Variants in GAB1 observed in about 807,000 individuals in gnomAD.
GAB1 encodes GRB2-associated-binding protein 1.
Under a neutral mutation model 66.5 loss-of-function variants are expected in GAB1, and 19 were observed. The ratio of observed to expected loss-of-function variants is 0.29; its 90% CI spans 0.20 to 0.42. The LOEUF is 0.42. Among genes scored for constraint, GAB1 ranks in the 10% least tolerant of loss-of-function variants. GAB1 has a pLI of 1.00. For missense variants in GAB1, 732 were observed against 858.5 expected (o/e 0.85, Z 1.84); for synonymous variants, 294 against 301.4 (o/e 0.98, Z 0.25).
intron 6 of GAB1, among the ~76,000 whole-genome samples, chr4:143,449,049 C>T: frequency 6.6e-6 from 1 of 151,056 alleles, no homozygotes; most frequent in East Asian, 1.9e-4. Context: ...CGTTATGTAC[C>T]CAGTAGTCAT....
chr4:143,417,033 A>G (rs1388518780), intron 2 of GAB1, among the ~76,000 whole-genome samples: 1 of 152,224 alleles, frequency 6.6e-6, no homozygotes, highest in African/African-American at 2.4e-5. Flanking sequence ...TACTTAGCAC[A>G]GGTCCTACAA....
intron 2 of GAB1, among the ~76,000 whole-genome samples, chr4:143,421,337 TAACAC>T (rs1733002772): frequency 6.6e-6 from 1 of 152,146 alleles, no homozygotes; most frequent in Non-Finnish European, 1.5e-5. Flanking sequence ...AATTTTTAGT[TAACAC>T]AAAGCTGTAG....
At chr4:143,391,469 C>T (rs909907306) in intron 1 of GAB1, 5 of 152,160 alleles carry the variant, frequency 3.3e-5, no homozygotes, top group Non-Finnish European at 5.9e-5. Context: ...ACAAGAAAGG[C>T]TTACTACAGT....
chr4:143,435,708 A>T (rs545239687), intron 3 of GAB1, among the ~76,000 whole-genome samples: 2 of 152,246 alleles, frequency 1.3e-5, no homozygotes, highest in African/African-American at 4.8e-5. Context: ...ACTCAGATAT[A>T]GTCACCTTTG....
chr4:143,359,654 G>A (rs958363194), intron 1 of GAB1, among the ~76,000 whole-genome samples: 1 of 152,200 alleles, frequency 6.6e-6, no homozygotes, highest in African/African-American at 2.4e-5. Context: ...TCATTGTTGA[G>A]TATGTCCTTT....
intron 1 of GAB1, chr4:143,395,803 A>AAGT (rs1239893088): frequency 2.3e-6 from 1 of 443,400 alleles, no homozygotes; most frequent in Non-Finnish European, 4.5e-6. Flanking sequence ...ATCCCTCCAC[A>AAGT]TACCCTTTCT....
rs1224781141 is a variant in GAB1 at position 143,469,210 on chromosome 4, T to C, written c.*21T>C. 1 of 1,611,868 alleles carries C rather than the reference T, an allele frequency of 6.2e-7. No individual in the cohort carries two copies. The highest frequency in any genetic ancestry group is 8.5e-7 in the Non-Finnish European group (1 of 1,178,786). On this transcript the variant is annotated 3_prime_UTR_variant, in exon 10 of 10. Transcript: ENST00000262994. ...AATGAAAATATTGCCTTGCCATTTC[T>C]GAACAAAAGAAAACTGAATTGTAAA...
intron 6 of GAB1, among the ~76,000 whole-genome samples, chr4:143,458,680 C>T (rs1735327101): frequency 1.3e-5 from 2 of 151,880 alleles, no homozygotes; most frequent in African/African-American, 2.4e-5. Flanking sequence ...AAATAAAGAT[C>T]ACTTATAAAT....
At chr4:143,423,466 G>C (rs1397167839) in intron 2 of GAB1, among the ~76,000 whole-genome samples, 1 of 152,118 alleles carries the variant, frequency 6.6e-6, no homozygotes, top group Non-Finnish European at 1.5e-5. Context: ...GGGAGGCTGA[G>C]GCATGTGGAT....
At chr4:143,365,583 C>A (rs1480303329) in intron 1 of GAB1, among the ~76,000 whole-genome samples, 2 of 152,118 alleles carry the variant, frequency 1.3e-5, no homozygotes, top group Non-Finnish European at 1.5e-5. Context: ...CCTGTGTATC[C>A]CCCAATCTCT....
At chr4:143,432,056 G>C (rs1424091117) in intron 2 of GAB1, among the ~76,000 whole-genome samples, 1 of 152,216 alleles carries the variant, frequency 6.6e-6, no homozygotes, top group African/African-American at 2.4e-5. Context: ...AGAAAAAGAT[G>C]CCTGGGGAAG....
chr4:143,463,977 T>C (rs923824828), intron 8 of GAB1, among the ~76,000 whole-genome samples: 1 of 152,256 alleles, frequency 6.6e-6, no homozygotes, highest in Non-Finnish European at 1.5e-5. Flanking sequence ...CTTGTAATAC[T>C]GTGAACAATT....
chr4:143,397,838 A>G (rs1276310494), intron 1 of GAB1, among the ~76,000 whole-genome samples: 5 of 152,188 alleles, frequency 3.3e-5, no homozygotes, highest in Non-Finnish European at 7.3e-5. Flanking sequence ...TGCCTTTCTA[A>G]TGGAGATATG....
intron 9 of GAB1, 58 bp from the exon 10 acceptor site, chr4:143,468,973 T>C: frequency 1.3e-6 from 2 of 1,557,508 alleles, no homozygotes; most frequent in Non-Finnish European, 1.8e-6. Flanking sequence ...TAAGACTGAG[T>C]TGTACTCAGG....
chr4:143,371,776 A>G (rs1252687719), intron 1 of GAB1, among the ~76,000 whole-genome samples: 1 of 151,580 alleles, frequency 6.6e-6, no homozygotes, highest in Non-Finnish European at 1.5e-5. Flanking sequence ...GTGGCTAGCC[A>G]GTTTTCCTAA....
chr4:143,431,421 AAAACAT>A (rs1397037813), intron 2 of GAB1, among the ~76,000 whole-genome samples: 1 of 152,196 alleles, frequency 6.6e-6, no homozygotes, highest in East Asian at 1.9e-4. Context: ...CAGGAAGAGA[AAAACAT>A]AAAGGCCTTT....
chr4:143,462,261 C>T (rs1735531777), intron 8 of GAB1, among the ~76,000 whole-genome samples: 1 of 151,802 alleles, frequency 6.6e-6, no homozygotes, highest in Non-Finnish European at 1.5e-5. Flanking sequence ...AATTAGTTTT[C>T]CTCAGTATAG....
At position 143,456,602 on chromosome 4, in the gene GAB1, C is replaced by G. The variant is rs1735207080; in HGVS notation, c.1586-2783C>G. Among the ~76,000 whole-genome samples, 3 of 152,054 alleles carry G rather than the reference C, an allele frequency of 2.0e-5. No homozygotes were observed. In the South Asian group the frequency reaches 6.2e-4, roughly 31 times the overall value. The stretch of plus-strand genomic sequence containing the variant: ...CTTTTAAACTCAGGCTGCCTCATTT[C>G]TGAATAAACTCAATGTATTGTGTAA... On this transcript the variant is annotated intron_variant, in intron 6 of 9. Coordinates refer to ENST00000262994, the MANE Select transcript of GAB1 (RefSeq NM_002039.4).
At chr4:143,435,502 G>A (rs996854555) in intron 3 of GAB1, among the ~76,000 whole-genome samples, 1 of 152,138 alleles carries the variant, frequency 6.6e-6, no homozygotes, top group African/African-American at 2.4e-5. Context: ...TTTATATAGT[G>A]TATTTCATTG....
Sources: gnomAD v4.1 joint callset for allele counts (sites outside exome capture counted in the v4.1 genomes callset) on GRCh38, gnomAD v4.1.1 for gene constraint, MANE v1.5 for transcripts, NCBI Gene and HGNC (gene_info 2026-07-23, HGNC 2026-07-21) for gene names.